ALCAM: variants seen among roughly 807,000 people sequenced by gnomAD.
The protein encoded by ALCAM is CD166 antigen.
A neutral mutation model predicts 70.9 loss-of-function variants in ALCAM; 30 were observed. The ratio of observed to expected loss-of-function variants is 0.42; its 90% CI spans 0.32 to 0.57. The LOEUF (loss-of-function observed/expected upper bound fraction) is 0.57, where lower values mean the gene tolerates loss of function less well. Ranked by LOEUF, ALCAM falls within the 20% of genes least tolerant of loss-of-function variation. The pLI is 0.11. For synonymous variants in ALCAM, 249 were observed against 242.5 expected (o/e 1.03, Z -0.25); for missense variants, 591 against 695.1 (o/e 0.85, Z 1.68).
intron 1 of ALCAM, among the ~76,000 whole-genome samples, chr3:105,433,254 G>T (rs1187997928): frequency 6.6e-6 from 1 of 152,098 alleles, no homozygotes; most frequent in Non-Finnish European, 1.5e-5. Flanking sequence ...AGGCCTAATT[G>T]ATAAATGGAT....
chr3:105,465,813 A>T (rs1029087989), intron 1 of ALCAM, among the ~76,000 whole-genome samples: 1 of 151,372 alleles, frequency 6.6e-6, no homozygotes, highest in Non-Finnish European at 1.5e-5. Flanking sequence ...CATCCTTCAC[A>T]AAAGTATCTA....
intron 12 of ALCAM, among the ~76,000 whole-genome samples, chr3:105,550,493 T>C (rs1018957628): frequency 6.6e-6 from 1 of 151,532 alleles, no homozygotes; most frequent in Admixed American, 6.6e-5. Context: ...GGCCTTATCC[T>C]GTACAGGAAT....
chr3:105,467,008 A>G (rs1937756773), intron 1 of ALCAM, among the ~76,000 whole-genome samples: 1 of 151,376 alleles, frequency 6.6e-6, no homozygotes, highest in Admixed American at 6.6e-5. Context: ...GGACTTTGCA[A>G]CTGTGTAGAA....
chr3:105,456,012 A>T (rs1246709199), intron 1 of ALCAM, among the ~76,000 whole-genome samples: 1 of 152,010 alleles, frequency 6.6e-6, no homozygotes, highest in African/African-American at 2.4e-5. Flanking sequence ...CTGGGAGGCG[A>T]AGGTTGCAGT....
chr3:105,461,968 A>T (rs542858040), intron 1 of ALCAM, among the ~76,000 whole-genome samples: 29 of 151,790 alleles, frequency 1.9e-4, no homozygotes, highest in African/African-American at 6.7e-4. Context: ...CACTTTAATT[A>T]TTCTAGAAGG....
intron 1 of ALCAM, among the ~76,000 whole-genome samples, chr3:105,425,410 G>C (rs563161031): frequency 1.1e-4 from 16 of 151,854 alleles, no homozygotes; most frequent in African/African-American, 3.9e-4. Flanking sequence ...GGAGACTCCT[G>C]CATTGGGCAT....
At chr3:105,379,878 T>C (rs1319123613) in intron 1 of ALCAM, among the ~76,000 whole-genome samples, 5 of 151,936 alleles carry the variant, frequency 3.3e-5, no homozygotes, top group Admixed American at 3.3e-4. Flanking sequence ...AATATGTGTT[T>C]TAAAGCCCCA....
chr3:105,531,699 T>C (rs1387514532), intron 3 of ALCAM, among the ~76,000 whole-genome samples: 1 of 151,940 alleles, frequency 6.6e-6, no homozygotes, highest in African/African-American at 2.4e-5. Flanking sequence ...ATATATCCTA[T>C]ATAGGACATT....
chr3:105,381,047 G>A (rs1356250628), intron 1 of ALCAM, among the ~76,000 whole-genome samples: 3 of 151,868 alleles, frequency 2.0e-5, no homozygotes, highest in Non-Finnish European at 4.4e-5. Context: ...GGGTGGCATT[G>A]GGGAAGTTGC....
chr3:105,533,757 G>C (rs1427976440), intron 5 of ALCAM, 67 bp downstream of exon 5: 2 of 1,484,734 alleles, frequency 1.3e-6, no homozygotes, highest in East Asian at 4.6e-5. Flanking sequence ...TTTGTTCTAG[G>C]TATTCTTTAA....
chr3:105,481,832 T>A (rs1938279276), intron 1 of ALCAM, among the ~76,000 whole-genome samples: 1 of 152,156 alleles, frequency 6.6e-6, no homozygotes, highest in Admixed American at 6.5e-5. Context: ...ATTTTTTCCT[T>A]ATAAAATCAT....
chr3:105,507,462 T>C (rs923993949), intron 1 of ALCAM, among the ~76,000 whole-genome samples: 1 of 152,234 alleles, frequency 6.6e-6, no homozygotes, highest in Non-Finnish European at 1.5e-5. Flanking sequence ...ACCACTGGTC[T>C]CTTTACTATC....
At position 105,550,264 on chromosome 3, in the gene ALCAM, G is replaced by C; in HGVS notation, c.1507+5G>C. 1 of 1,579,494 alleles carries C rather than the reference G, an allele frequency of 6.3e-7. No homozygotes were observed. ...ACTCCTTGAATGTCTCTGCTAGTGA[G>C]TATTTTATTTCTGGCATTACAAAAG... On this transcript the variant is annotated splice_donor_5th_base_variant and intron_variant, in intron 12 of 15. Coordinates refer to ENST00000306107, the MANE Select transcript of ALCAM (RefSeq NM_001627.4).
In ALCAM at chr3:105,433,397, A is replaced by G. The variant is rs191627639; in HGVS notation, c.73+65916A>G. Among the ~76,000 whole-genome samples, 181 of 152,308 alleles carry G rather than the reference A, an allele frequency of 1.2e-3. 1 individual carries two copies. Among genetic ancestry groups the G allele is most frequent in the Middle Eastern group, 3.4e-3 (1 of 294 alleles). ...AATATTTGAAAACCAGTGATGTCCA[A>G]GTCACTAAATTCTTCCTTTACTTCT... On this transcript the variant is annotated intron_variant, in intron 1 of 15. Transcript: ENST00000306107.
At chr3:105,560,858 ATCT>A (rs1940616722) in intron 14 of ALCAM, among the ~76,000 whole-genome samples, 1 of 152,162 alleles carries the variant, frequency 6.6e-6, no homozygotes, top group South Asian at 2.1e-4. Flanking sequence ...AACTGTGATA[ATCT>A]TCTGGTTGTT....
At chr3:105,458,484 T>C (rs1937562975) in intron 1 of ALCAM, among the ~76,000 whole-genome samples, 1 of 152,176 alleles carries the variant, frequency 6.6e-6, no homozygotes, top group Admixed American at 6.5e-5. Flanking sequence ...AATTGGATGT[T>C]TTGTCTTTGA....
intron 1 of ALCAM, among the ~76,000 whole-genome samples, chr3:105,471,198 T>C (rs548413670): frequency 6.6e-6 from 1 of 151,518 alleles, no homozygotes; most frequent in African/African-American, 2.4e-5. Flanking sequence ...CAGATCGAAG[T>C]TGAAAGTGTG....
At chr3:105,399,901 C>G (rs1268154545) in intron 1 of ALCAM, among the ~76,000 whole-genome samples, 1 of 152,174 alleles carries the variant, frequency 6.6e-6, no homozygotes, top group Non-Finnish European at 1.5e-5. Context: ...GGTTAGCAGA[C>G]AGCCTACATC....
chr3:105,543,250 C>T (rs1230086124), intron 8 of ALCAM, among the ~76,000 whole-genome samples: 2 of 151,568 alleles, frequency 1.3e-5, no homozygotes, highest in African/African-American at 2.4e-5. Context: ...CATATAGTGC[C>T]TACGTGTTTG....
Sources: allele counts gnomAD v4.1 joint callset (sites outside exome capture counted in the v4.1 genomes callset), GRCh38; gene constraint gnomAD v4.1.1; transcripts MANE v1.5; gene names NCBI Gene and HGNC (gene_info 2026-07-23, HGNC 2026-07-21).